PRAM1: variants seen among roughly 807,000 people sequenced by gnomAD.
PRAM1 encodes the protein PML-RARA-regulated adapter molecule 1.
Under a neutral mutation model 55.3 loss-of-function variants are expected in PRAM1, and 41 were observed. The ratio of observed to expected loss-of-function variants is 0.74; its 90% CI spans 0.58 to 0.96. The LOEUF (loss-of-function observed/expected upper bound fraction) is 0.96. Among genes scored for constraint, PRAM1 ranks in the 40% least tolerant of loss-of-function variants. The probability of loss-of-function intolerance (pLI) is 0.00; values close to 1 mark genes in which losing one functional copy is unlikely to be tolerated. For synonymous variants in PRAM1, 401 were observed against 387.1 expected (o/e 1.04, Z -0.42); for missense variants, 898 against 892.7 (o/e 1.01, Z -0.08).
In PRAM1 at chr19:8,498,875, C is replaced by T. The variant is rs753639048; in HGVS notation, c.933G>A (p.Pro311=). ...EVSVLPKRPR[P]AEFKALSKKP... is the part of the protein sequence containing the mutation. The stretch of plus-strand genomic sequence containing the variant: ...TCTTGGAGAGCGCTTTGAATTCGGC[C>T]GGCCGCGGCCTCTTGGGAAGCACGC... The change falls in exon 2 of 10, where the codon CCG becomes CCA. Residue 311 remains proline (P), a synonymous_variant. Transcript: ENST00000423345. The T allele has an allele frequency of 1.2e-6, 2 of 1,612,336 alleles. No homozygotes were observed. The highest frequency in any genetic ancestry group is 1.7e-6 in the Non-Finnish European group (2 of 1,179,336).
intron 4 of PRAM1, among the ~76,000 whole-genome samples, chr19:8,497,025 CAAA>C (rs757587069): frequency 5.3e-5 from 8 of 152,044 alleles, no homozygotes; most frequent in Non-Finnish European, 1.0e-4. Context: ...GACTCCATCT[CAAA>C]AAATAAATAA....
At position 8,499,397 on chromosome 19, in the gene PRAM1, A is replaced by G. The variant is rs1190370001; in HGVS notation, c.411T>C (p.Thr137=). 1.9e-6 allele frequency: 3 copies of G among 1,612,526 alleles called. No individual in the cohort carries two copies. The highest frequency in any genetic ancestry group is 2.7e-5 in the African/African-American group (2 of 74,802). ...GCTGCAGGGGCTTCCTTGGAAACGGAGTGGCCCCCAGCTGTGGGAACTTCT... is the reference window on the plus strand; with the variant it reads ...GCTGCAGGGGCTTCCTTGGAAACGGGGTGGCCCCCAGCTGTGGGAACTTCT... The part of the protein sequence containing the change: ...LSKKFPQLGA[T]PFPRKPLQPE... The change falls in exon 2 of 10, where the codon ACT becomes ACC. Residue 137 remains threonine (T), a synonymous_variant. Transcript: ENST00000423345.
In PRAM1 at chr19:8,491,007, C is replaced by T; in HGVS notation, c.1635-12G>A. 1 of 1,613,342 alleles carries T rather than the reference C, an allele frequency of 6.2e-7. No individual in the cohort carries two copies. Among genetic ancestry groups the T allele is most frequent in the Non-Finnish European group, 8.5e-7 (1 of 1,179,790 alleles). ...GATCCTTCTCCTTCCTGATAGCCCC[C>T]ACCAAGGAATTGTGTGCTCGTGAGC... On this transcript the variant is annotated splice_polypyrimidine_tract_variant and intron_variant, in intron 5 of 9. Coordinates refer to ENST00000423345, the MANE Select transcript of PRAM1 (RefSeq NM_032152.5).
rs768769666 is a variant in PRAM1 at position 8,491,070 on chromosome 19, C to T, written c.1634+30G>A. 5.0e-6 allele frequency: 8 copies of T among 1,612,052 alleles called. No homozygotes were observed. In the East Asian group the frequency reaches 1.8e-4, roughly 36 times the overall value. On this transcript the variant is annotated intron_variant, in intron 5 of 9. Transcript: ENST00000423345. ...TCTGGGGGTTCCTGGAGCTCGCCCC[C>T]CGTCTGCCCACCCCCTCTGCCCATG...
chr19:8,496,463 G>A (rs1038196962), intron 4 of PRAM1, among the ~76,000 whole-genome samples: 1 of 152,094 alleles, frequency 6.6e-6, no homozygotes, highest in African/African-American at 2.4e-5. Context: ...GGTGGCTCAT[G>A]ACTGTAATCC....
intron 4 of PRAM1, among the ~76,000 whole-genome samples, chr19:8,495,484 G>A (rs563395779): frequency 8.6e-5 from 13 of 151,970 alleles, no homozygotes; most frequent in South Asian, 4.2e-4. Context: ...CAAGTGATCC[G>A]CCCACCGGAC....
chr19:8,497,799 G>A lies in PRAM1; in HGVS notation c.1541C>T (p.Pro514Leu), dbSNP rs1385887820. 3.1e-6 allele frequency: 5 copies of A among 1,613,118 alleles called. No homozygotes were observed. Among genetic ancestry groups the A allele is most frequent in the Non-Finnish European group, 4.2e-6 (5 of 1,179,646 alleles). Residue 514 changes from proline (P) to leucine (L), a missense_variant, in exon 4 of 10, where the codon CCC becomes CTC. Around this residue, in one of 4 missense-constraint regions of PRAM1, gnomAD observed 787 missense variants for 735.4 expected, o/e 1.07. Coordinates refer to ENST00000423345, the MANE Select transcript of PRAM1 (RefSeq NM_032152.5). The part of the protein sequence containing the change: ...EIYELYDDVE[P>L]RDDSSPSPKG... The stretch of plus-strand genomic sequence containing the variant: ...GGGGCTGGGGCTGGAGTCATCTCTG[G>A]GTTCCACATCGTCATACAGCTCGTA...
In PRAM1 at chr19:8,490,326, G is replaced by T; in HGVS notation, c.1975+12C>A. ...CCAGGGTCCCTCCAGCCCTCCCAGA[G>T]TGTCCACGTACCGCAGAAGTCGACA... On this transcript the variant is annotated intron_variant, in intron 9 of 9. Coordinates refer to ENST00000423345, the MANE Select transcript of PRAM1 (RefSeq NM_032152.5). This position sits in a 1 kb window ranked among gnomAD's most constrained non-coding sequence, Gnocchi z 7.3. 6 of 1,613,986 alleles carry T rather than the reference G, an allele frequency of 3.7e-6. No individual in the cohort carries two copies. The highest frequency in any genetic ancestry group is 5.1e-6 in the Non-Finnish European group (6 of 1,179,888).
In PRAM1 at chr19:8,490,192, C is replaced by T; in HGVS notation, c.2010G>A (p.Arg670=). The change falls in exon 10 of 10, where the codon CGG becomes CGA. Residue 670 remains arginine, a synonymous_variant. Coordinates refer to ENST00000423345, the MANE Select transcript of PRAM1 (RefSeq NM_032152.5). The surrounding 1 kb of genome is among the most constrained non-coding windows in gnomAD (Gnocchi z 7.3). ...CCTGGCCCCACGCCTACCGGTCTTACCGTCCCAGGGGGAGTGGTTGGTTTT... is the reference window on the plus strand; with the variant it reads ...CCTGGCCCCACGCCTACCGGTCTTATCGTCCCAGGGGGAGTGGTTGGTTTT... The part of the protein sequence containing the change: ...PLENQPLPLG[R] 1 of 1,580,148 alleles carries T rather than the reference C, an allele frequency of 6.3e-7. No individual in the cohort carries two copies. The highest frequency in any genetic ancestry group is 2.3e-5 in the East Asian group (1 of 44,152).
At chr19:8,501,726 C>T (rs971504876) in intron 1 of PRAM1, among the ~76,000 whole-genome samples, 4 of 152,092 alleles carry the variant, frequency 2.6e-5, no homozygotes, top group Non-Finnish European at 4.4e-5. Flanking sequence ...TGCCTGGAGA[C>T]GGCCATGCGG....
intron 4 of PRAM1, among the ~76,000 whole-genome samples, chr19:8,492,449 GT>G (rs1971643521): frequency 6.6e-6 from 1 of 150,640 alleles, no homozygotes; most frequent in South Asian, 2.1e-4. Context: ...TACAGATGAG[GT>G]TTCGTCATGT....
chr19:8,491,294 C>T (rs1599876556), intron 4 of PRAM1, 137 bp from the exon 5 acceptor site: 1 of 901,246 alleles, frequency 1.1e-6, no homozygotes, highest in East Asian at 2.6e-5. Flanking sequence ...AGTGCAATGG[C>T]ACAATCTCGG....
In PRAM1 at chr19:8,498,730, G is replaced by C. The variant is rs1250907145; in HGVS notation, c.1078C>G (p.Pro360Ala). The C allele has an allele frequency of 6.9e-6, 11 of 1,586,446 alleles. No individual in the cohort carries two copies. The highest frequency in any genetic ancestry group is 6.9e-6 in the Non-Finnish European group (8 of 1,167,250). Reference sequence around the variant, plus strand: ...CTCTTGAGGACAGCGCTGGGCTCAGGCTGTGAGAACTTGCGGGGTGGCCCC... The same window carrying C: ...CTCTTGAGGACAGCGCTGGGCTCAGCCTGTGAGAACTTGCGGGGTGGCCCC... ...RRGPPRKFSQ[P>A]EPSAVLKRHP... Residue 360 changes from proline to alanine, a missense_variant, in exon 2 of 10, where the codon CCT becomes GCT. By Grantham distance (27) the Pro-to-Ala change is conservative (BLOSUM62 -1). Around this residue, in one of 4 missense-constraint regions of PRAM1, gnomAD observed 787 missense variants for 735.4 expected, o/e 1.07. Transcript: ENST00000423345.
Position 8,493,804 on chromosome 19 carries a change from T to A in PRAM1, c.1577-2647A>T, listed in dbSNP as rs1971661318. 6.6e-6 allele frequency among the ~76,000 whole-genome samples: 1 copy of A among 151,914 alleles called. No individual in the cohort carries two copies. The highest frequency in any genetic ancestry group is 1.5e-5 in the Non-Finnish European group (1 of 67,914). On this transcript the variant is annotated intron_variant, in intron 4 of 9. Coordinates refer to ENST00000423345, the MANE Select transcript of PRAM1 (RefSeq NM_032152.5). This position sits in a 1 kb window ranked among gnomAD's most constrained non-coding sequence, Gnocchi z 4.1. ...CAGGGAAGTGGGACCTTTTTTTTTT[T>A]CTTTTTTTCTTGAGACAGGGTCTCG...
rs1370459167 is a variant in PRAM1, at chr19:8,498,568, C to T, written c.1240G>A (p.Gly414Arg). 1 of 1,612,248 alleles carries T rather than the reference C, an allele frequency of 6.2e-7. No homozygotes were observed. Among genetic ancestry groups the T allele is most frequent in the East Asian group, 2.2e-5 (1 of 44,864 alleles). The change falls in exon 2 of 10, where the codon GGG (glycine) becomes AGG (arginine). Residue 414 changes from glycine (G) to arginine (R), a missense_variant. Around this residue, in one of 4 missense-constraint regions of PRAM1, gnomAD observed 787 missense variants for 735.4 expected, o/e 1.07. Transcript: ENST00000423345. ...HPLSPGFGAA[G>R]TPRWRSGGLV... ...CCTCCTGACCTCCAGCGGGGTGTCC[C>T]AGCCGCTCCAAACCCAGGGCTGAGC... is the stretch of plus-strand genomic sequence containing the variant.
Position 8,491,164 on chromosome 19 carries a change from ACAGT to A in PRAM1, c.1577-11_1577-8del. On this transcript the variant is annotated splice_region_variant and splice_polypyrimidine_tract_variant and intron_variant, in intron 4 of 9. Coordinates refer to ENST00000423345, the MANE Select transcript of PRAM1 (RefSeq NM_032152.5). The stretch of plus-strand genomic sequence containing the variant: ...TGAACTGAGGGCGCTTCATCTGGGG[ACAGT>A]CAGGACTCCGAGTCAAGGCAGGGCC... 1.2e-6 allele frequency: 2 copies of A among 1,609,064 alleles called. No homozygotes were observed. The highest frequency in any genetic ancestry group is 1.7e-6 in the Non-Finnish European group (2 of 1,179,234).
rs374625111 is a variant in PRAM1, at chr19:8,498,411, A to G, written c.1397T>C (p.Met466Thr). The change falls in exon 2 of 10, where the codon ATG becomes ACG. Residue 466 changes from methionine to threonine, a missense_variant. This residue lies in a region of PRAM1 where 787 missense variants were observed against 735.4 expected (regional missense o/e 1.07). Transcript: ENST00000423345. ...KPPLPPGPVD[M>T]QSFRRPSAAS... ...TGCAGAGGGTCTCCGAAAGCTCTGC[A>G]TATCCACGGGCCCCGGGGGCAGCGG... The G allele has an allele frequency of 1.1e-4, 171 of 1,578,938 alleles. 1 individual carries two copies. The highest frequency in any genetic ancestry group is 1.4e-4 in the Non-Finnish European group (165 of 1,160,598).
rs939037161 is a variant in PRAM1 at position 8,493,323 on chromosome 19, G to A, written c.1577-2166C>T. ...AAGGAGCAGCACCTGAATCGTGCCC[G>A]CCAGATACCAGGCATGGCCATCCAC... On this transcript the variant is annotated intron_variant, in intron 4 of 9. Transcript: ENST00000423345. The surrounding 1 kb of genome is among the most constrained non-coding windows in gnomAD (Gnocchi z 4.1). 2.6e-5 allele frequency among the ~76,000 whole-genome samples: 4 copies of A among 152,322 alleles called. No homozygotes were observed. The highest frequency in any genetic ancestry group is 6.5e-5 in the Admixed American group (1 of 15,294).
intron 1 of PRAM1, among the ~76,000 whole-genome samples, chr19:8,501,437 A>G (rs918787330): frequency 6.6e-6 from 1 of 150,790 alleles, no homozygotes; most frequent in African/African-American, 2.4e-5. Flanking sequence ...TGCATTCAGC[A>G]TGCATGATTT....
Sources: gnomAD v4.1 joint callset for allele counts (sites outside exome capture counted in the v4.1 genomes callset) on GRCh38, gnomAD v4.1.1 for gene constraint, gnomAD v4.1.1 regional missense constraint, Gnocchi (gnomAD v3.1) non-coding constraint, MANE v1.5 for transcripts, NCBI Gene and HGNC (gene_info 2026-07-23, HGNC 2026-07-21) for gene names.